Variants in SNX29 observed in about 807,000 individuals in gnomAD.
SNX29 encodes the protein sorting nexin-29.
Under a neutral mutation model 102.1 loss-of-function variants are expected in SNX29, and 78 were observed. The observed-to-expected ratio is 0.76, with a 90% CI of 0.64 to 0.92. SNX29 has a LOEUF of 0.92. Among genes scored for constraint, SNX29 ranks in the 40% least tolerant of loss-of-function variants. SNX29 has a pLI of 0.00. For missense variants in SNX29, 1,280 were observed against 1,061.7 expected (o/e 1.21, Z -2.86); for synonymous variants, 580 against 414.5 (o/e 1.40, Z -4.85).
At chr16:12,321,929 G>A (rs900694684) in intron 15 of SNX29, among the ~76,000 whole-genome samples, 1 of 152,106 alleles carries the variant, frequency 6.6e-6, no homozygotes, top group Non-Finnish European at 1.5e-5. Context: ...ATTTGTGTTA[G>A]TTAGGGCCCC....
intron 20 of SNX29, among the ~76,000 whole-genome samples, chr16:12,550,719 A>G (rs2141343638): frequency 6.6e-6 from 1 of 152,052 alleles, no homozygotes; most frequent in South Asian, 2.1e-4. Flanking sequence ...CTTATTCTAC[A>G]CTCCTGTGTT....
chr16:12,268,791 C>T (rs2079008160), intron 14 of SNX29, among the ~76,000 whole-genome samples: 1 of 152,196 alleles, frequency 6.6e-6, no homozygotes. Context: ...GAAAGCAAAA[C>T]AGTAACCTCA....
intron 11 of SNX29, among the ~76,000 whole-genome samples, chr16:12,125,800 A>G (rs1440539731): frequency 6.6e-6 from 1 of 151,658 alleles, no homozygotes; most frequent in Non-Finnish European, 1.5e-5. Flanking sequence ...CCAGGCAAGC[A>G]TTGCTGTCTC....
chr16:12,411,678 G>T (rs540775513), intron 18 of SNX29, among the ~76,000 whole-genome samples: 1 of 152,300 alleles, frequency 6.6e-6, no homozygotes, highest in African/African-American at 2.4e-5. Context: ...ACATTGAGCT[G>T]ACCGTCACCA....
At chr16:12,073,036 G>A in intron 10 of SNX29, among the ~76,000 whole-genome samples, 1 of 151,970 alleles carries the variant, frequency 6.6e-6, no homozygotes, top group Non-Finnish European at 1.5e-5. Flanking sequence ...ATTTTTTATT[G>A]CGTCTATTTG....
intron 18 of SNX29, among the ~76,000 whole-genome samples, chr16:12,428,281 C>G (rs1451429386): frequency 6.6e-6 from 1 of 152,142 alleles, no homozygotes; most frequent in African/African-American, 2.4e-5. Flanking sequence ...AAAAAATCAA[C>G]AGAGACAATT....
intron 11 of SNX29, among the ~76,000 whole-genome samples, chr16:12,080,064 T>TG (rs1469524997): frequency 6.6e-6 from 1 of 152,170 alleles, no homozygotes; most frequent in Non-Finnish European, 1.5e-5. Flanking sequence ...TAGGAGCCCA[T>TG]GGTTATTCCT....
chr16:12,533,627 C>G (rs1257518331), intron 20 of SNX29, among the ~76,000 whole-genome samples: 2 of 152,166 alleles, frequency 1.3e-5, no homozygotes, highest in Non-Finnish European at 1.5e-5. Context: ...GACTGACACC[C>G]CAAATTGGGG....
chr16:12,278,756 C>G (rs2079337544), intron 15 of SNX29, among the ~76,000 whole-genome samples: 2 of 152,058 alleles, frequency 1.3e-5, no homozygotes, highest in South Asian at 2.1e-4. Flanking sequence ...TACAAAAATT[C>G]TAGAAAGTCA....
At chr16:12,279,296 G>A (rs2079356145) in intron 15 of SNX29, among the ~76,000 whole-genome samples, 1 of 152,214 alleles carries the variant, frequency 6.6e-6, no homozygotes, top group Non-Finnish European at 1.5e-5. Context: ...GTTCATTGCT[G>A]GTGCAGGCTG....
intron 19 of SNX29, among the ~76,000 whole-genome samples, chr16:12,479,025 A>G (rs1363040192): frequency 3.3e-5 from 5 of 152,204 alleles, no homozygotes; most frequent in Non-Finnish European, 7.3e-5. Flanking sequence ...TGTATTGAGC[A>G]TGATCTCTCT....
intron 15 of SNX29, among the ~76,000 whole-genome samples, chr16:12,338,380 A>T (rs928393660): frequency 1.3e-5 from 2 of 152,160 alleles, no homozygotes; most frequent in African/African-American, 4.8e-5. Context: ...CGGGGATCAG[A>T]CCAGCAGAGG....
In SNX29 at chr16:12,572,002, T is replaced by C. The variant is rs994261631; in HGVS notation, c.*3373T>C. The stretch of plus-strand genomic sequence containing the variant: ...TCTTCACATCCAGTCACCAGTTGCA[T>C]CTAGGGAGCTGCTGGCTATAAAAGG... On this transcript the variant is annotated 3_prime_UTR_variant, in exon 21 of 21. Coordinates refer to ENST00000566228, the MANE Select transcript of SNX29 (RefSeq NM_032167.5). The C allele has an allele frequency of 5.6e-6, 6 of 1,062,208 alleles. No individual in the cohort carries two copies. Among genetic ancestry groups the C allele is most frequent in the South Asian group, 4.6e-5 (1 of 21,936 alleles). 65.8% of individuals were successfully genotyped at this position (1,062,208 alleles called of 1,614,324 possible).
intron 20 of SNX29, among the ~76,000 whole-genome samples, chr16:12,536,189 TAAA>T (rs1397975261): frequency 6.6e-6 from 1 of 152,128 alleles, no homozygotes; most frequent in East Asian, 1.9e-4. Context: ...ACTCAGAAGA[TAAA>T]GGAGGTTACG....
chr16:12,487,925 T>C (rs2088330238), intron 19 of SNX29, among the ~76,000 whole-genome samples: 1 of 152,194 alleles, frequency 6.6e-6, no homozygotes, highest in South Asian at 2.1e-4. Flanking sequence ...CACATTTGTG[T>C]TTCTCTTTAA....
chr16:12,065,960 C>G (rs966090734), intron 9 of SNX29, among the ~76,000 whole-genome samples: 1 of 152,100 alleles, frequency 6.6e-6, no homozygotes, highest in South Asian at 2.1e-4. Context: ...GTCTTGGGGG[C>G]CTTAAGGATG....
chr16:12,089,898 G>A, intron 11 of SNX29: 1 of 319,632 alleles, frequency 3.1e-6, no homozygotes, highest in South Asian at 2.5e-5. Flanking sequence ...GGGCTCCCCT[G>A]TGTCTCGGGG....
chr16:12,521,264 C>A (rs958527329), intron 19 of SNX29, among the ~76,000 whole-genome samples: 1 of 152,100 alleles, frequency 6.6e-6, no homozygotes. Context: ...TGAAAGAAAT[C>A]AGATTTTTTT....
chr16:12,254,146 A>C (rs939281921), intron 14 of SNX29, among the ~76,000 whole-genome samples: 1 of 152,168 alleles, frequency 6.6e-6, no homozygotes, highest in Non-Finnish European at 1.5e-5. Flanking sequence ...AGTGTGAGCT[A>C]TCTGAACATC....
Sources: gnomAD v4.1 joint callset for allele counts (sites outside exome capture counted in the v4.1 genomes callset) on GRCh38, gnomAD v4.1.1 for gene constraint, MANE v1.5 for transcripts, NCBI Gene and HGNC (gene_info 2026-07-23, HGNC 2026-07-21) for gene names.